Variants in CRHR1 observed in about 807,000 individuals in gnomAD.
CRHR1 encodes the protein corticotropin-releasing hormone receptor 1.
A neutral mutation model predicts 56.0 loss-of-function variants in CRHR1; 28 were observed. The observed-to-expected ratio is 0.50, with a 90% CI of 0.37 to 0.69. The LOEUF is 0.69. Among genes scored for constraint, CRHR1 ranks in the 30% least tolerant of loss-of-function variants. CRHR1 has a pLI of 0.00. For synonymous variants in CRHR1, 195 were observed against 216.5 expected (o/e 0.90, Z 0.87); for missense variants, 376 against 548.0 (o/e 0.69, Z 3.13).
At chr17:45,817,782 G>A (rs1004478450) in intron 3 of CRHR1, among the ~76,000 whole-genome samples, 8 of 151,672 alleles carry the variant, frequency 5.3e-5, no homozygotes, top group African/African-American at 9.7e-5. Context: ...GGAGGGACTC[G>A]GGAGAGGGAG....
Position 45,807,039 on chromosome 17 carries a change from C to T in CRHR1, c.63C>T (p.Val21=). 2 of 1,614,082 alleles carry T rather than the reference C, an allele frequency of 1.2e-6. No individual in the cohort carries two copies. The highest frequency in any genetic ancestry group is 1.7e-6 in the Non-Finnish European group (2 of 1,179,994). ...KALLLLGLNP[V]SASLQDQHCE... ...TTCTCCTTCTGGGGCTGAACCCCGTCTCTGCCTCCCTCCAGGACCAGCACT... is the reference window on the plus strand; with the variant it reads ...TTCTCCTTCTGGGGCTGAACCCCGTTTCTGCCTCCCTCCAGGACCAGCACT... Residue 21 remains valine (V), a synonymous_variant, in exon 2 of 13, where the codon GTC becomes GTT. Coordinates refer to ENST00000314537, the MANE Select transcript of CRHR1 (RefSeq NM_004382.5).
intron 1 of CRHR1, among the ~76,000 whole-genome samples, chr17:45,805,732 G>A (rs1344272857): frequency 6.6e-6 from 1 of 152,148 alleles, no homozygotes; most frequent in African/African-American, 2.4e-5. Flanking sequence ...CACAGCCAGA[G>A]GGGAGGACCG....
intron 5 of CRHR1, 37 bp downstream of exon 5, chr17:45,829,358 G>A (rs1367066279): frequency 2.5e-6 from 4 of 1,572,842 alleles, no homozygotes; most frequent in Non-Finnish European, 3.5e-6. Flanking sequence ...CCTGTCCCCA[G>A]GACCTAGAGC....
chr17:45,829,519 G>A (rs1284071769), intron 5 of CRHR1, 198 bp downstream of exon 5: 6 of 1,521,054 alleles, frequency 3.9e-6, no homozygotes, highest in Non-Finnish European at 4.4e-6. Context: ...CTGCTGGAAT[G>A]GTGGGGAGGG....
chr17:45,788,818 G>A (rs576539939), intron 1 of CRHR1, among the ~76,000 whole-genome samples: 1 of 152,258 alleles, frequency 6.6e-6, no homozygotes, highest in African/African-American at 2.4e-5. Flanking sequence ...AATGTTTGTC[G>A]ACTTCATGGA....
intron 1 of CRHR1, among the ~76,000 whole-genome samples, chr17:45,804,315 A>T (rs972761837): frequency 6.6e-6 from 1 of 152,140 alleles, no homozygotes; most frequent in African/African-American, 2.4e-5. Context: ...AGAGACCCCT[A>T]TGAGAGTATC....
intron 1 of CRHR1, among the ~76,000 whole-genome samples, chr17:45,794,376 C>T (rs566560936): frequency 3.9e-5 from 6 of 152,366 alleles, no homozygotes; most frequent in Admixed American, 2.0e-4. Context: ...GTCCTCACCA[C>T]CCTTTGAATA....
At chr17:45,810,566 G>C (rs2061802979) in intron 2 of CRHR1, among the ~76,000 whole-genome samples, 1 of 152,132 alleles carries the variant, frequency 6.6e-6, no homozygotes, top group African/African-American at 2.4e-5. Flanking sequence ...GAGCCAGGGT[G>C]CCCAGGGCCC....
At chr17:45,816,367 G>A (rs911331955) in intron 2 of CRHR1, 96 bp from the exon 3 acceptor site, 44 of 1,528,552 alleles carry the variant, frequency 2.9e-5, no homozygotes, top group South Asian at 1.3e-4. Context: ...GAGTGGGAAC[G>A]AGTGGGGAGG....
chr17:45,791,448 C>T (rs922663169), intron 1 of CRHR1, among the ~76,000 whole-genome samples: 4 of 152,126 alleles, frequency 2.6e-5, no homozygotes, highest in African/African-American at 9.7e-5. Flanking sequence ...GACAGACAGA[C>T]AGTGAGAGAA....
At chr17:45,833,376 C>T (rs1282999855) in intron 9 of CRHR1, 76 bp from the exon 10 acceptor site, 2 of 1,509,260 alleles carry the variant, frequency 1.3e-6, no homozygotes, top group African/African-American at 2.7e-5. Context: ...ACAGCAGGGG[C>T]ACTGAGGCCA....
chr17:45,816,367 G>T, intron 2 of CRHR1, 96 bp from the exon 3 acceptor site: 1 of 1,528,550 alleles, frequency 6.5e-7, no homozygotes, highest in South Asian at 1.2e-5. Flanking sequence ...GAGTGGGAAC[G>T]AGTGGGGAGG....
intron 1 of CRHR1, among the ~76,000 whole-genome samples, chr17:45,792,528 C>T (rs2061445163): frequency 6.6e-6 from 1 of 152,194 alleles, no homozygotes; most frequent in Non-Finnish European, 1.5e-5. Flanking sequence ...AACCCCTACC[C>T]AGCAGAATAT....
chr17:45,818,076 T>C (rs1033753460), intron 3 of CRHR1, among the ~76,000 whole-genome samples: 1 of 152,292 alleles, frequency 6.6e-6, no homozygotes, highest in East Asian at 1.9e-4. Flanking sequence ...TCAGAGGAGC[T>C]TCCAGGAGGA....
At chr17:45,822,349 C>A (rs2062059853) in intron 4 of CRHR1, among the ~76,000 whole-genome samples, 1 of 152,192 alleles carries the variant, frequency 6.6e-6, no homozygotes, top group Non-Finnish European at 1.5e-5. Flanking sequence ...ATATATCTAT[C>A]CTGGAGCTGC....
chr17:45,810,032 C>T (rs370427318), intron 2 of CRHR1, among the ~76,000 whole-genome samples: 22 of 152,264 alleles, frequency 1.4e-4, no homozygotes, highest in African/African-American at 3.6e-4. Flanking sequence ...GTAATCCCAG[C>T]GCTTTGGGAG....
intron 2 of CRHR1, among the ~76,000 whole-genome samples, chr17:45,811,356 C>T (rs1418429886): frequency 4.6e-5 from 7 of 152,268 alleles, no homozygotes; most frequent in Admixed American, 6.5e-5. Context: ...CACACCTCTC[C>T]TCTGCTCTCC....
Position 45,835,130 on chromosome 17 carries a change from G to T in CRHR1, c.*366G>T. The T allele has an allele frequency of 4.1e-6, 1 of 246,626 alleles. No individual in the cohort carries two copies. The highest frequency in any genetic ancestry group is 7.8e-6 in the Non-Finnish European group (1 of 128,354). The allele number at this position is 246,626 out of a possible 1,614,324, so 15.3% of individuals were successfully genotyped here. A position where few individuals can be genotyped will look rare whatever the true frequency, so the allele number is the denominator to read the frequency against. On this transcript the variant is annotated 3_prime_UTR_variant, in exon 13 of 13. Transcript: ENST00000314537. ...AGAAGGCCAGCCCACTGGGCCCTGG[G>T]GCTGCCCTCGGCAACCGTGGGGAGG...
intron 9 of CRHR1, 96 bp downstream of exon 9, chr17:45,833,306 G>T: frequency 1.3e-6 from 2 of 1,482,888 alleles, no homozygotes; most frequent in Non-Finnish European, 1.9e-6. Context: ...TAGAGGTGGG[G>T]GCCACCCAAA....
Sources: gnomAD v4.1 joint callset for allele counts (sites outside exome capture counted in the v4.1 genomes callset) on GRCh38, gnomAD v4.1.1 for gene constraint, MANE v1.5 for transcripts, NCBI Gene and HGNC (gene_info 2026-07-23, HGNC 2026-07-21) for gene names.